The following RSPO2 variants were observed in gnomAD, a reference collection of about 807,000 sequenced individuals.
RSPO2 encodes R-spondin 2, also known as R-spondin-2.
A neutral mutation model predicts 30.9 loss-of-function variants in RSPO2; 14 were observed. That is an observed-to-expected ratio of 0.45 (90% CI 0.30 to 0.71). RSPO2 has a LOEUF of 0.71. Among genes scored for constraint, RSPO2 ranks in the 30% least tolerant of loss-of-function variants. The pLI is 0.08. For missense variants in RSPO2, 264 were observed against 301.9 expected, an observed-to-expected ratio of 0.87 and a Z score of 0.93; for synonymous variants, 107 against 96.4, an observed-to-expected ratio of 1.11 and a Z score of -0.64.
At chr8:108,040,149 A>C (rs947895304) in intron 2 of RSPO2, among the ~76,000 whole-genome samples, 1 of 152,188 alleles carries the variant, frequency 6.6e-6, no homozygotes, top group African/African-American at 2.4e-5. Context: ...GGGTTAATCA[A>C]GAAAAATAAT....
chr8:108,040,273 A>G (rs886777136), intron 2 of RSPO2, among the ~76,000 whole-genome samples: 50 of 152,128 alleles, frequency 3.3e-4, no homozygotes, highest in African/African-American at 1.1e-3. Flanking sequence ...TAGCTACATT[A>G]ACAGACAGTG....
At chr8:107,928,385 TTTTTA>T (rs1353523636) in intron 5 of RSPO2, among the ~76,000 whole-genome samples, 2 of 152,250 alleles carry the variant, frequency 1.3e-5, no homozygotes, top group African/African-American at 4.8e-5. Context: ...TGAAATGTCA[TTTTTA>T]TTTTAAACAA....
chr8:107,994,008 C>CTT (rs1814933452), intron 2 of RSPO2, among the ~76,000 whole-genome samples: 2 of 152,090 alleles, frequency 1.3e-5, no homozygotes, highest in South Asian at 4.1e-4. Flanking sequence ...CAAAAAAGGT[C>CTT]ACCTTCTAAG....
intron 2 of RSPO2, among the ~76,000 whole-genome samples, chr8:107,994,455 T>C (rs1025609586): frequency 7.9e-5 from 12 of 152,012 alleles, no homozygotes; most frequent in Non-Finnish European, 1.6e-4. Context: ...ACTAAGCAAA[T>C]GTCGAAATAG....
At chr8:108,037,882 T>C (rs1811646671) in intron 2 of RSPO2, among the ~76,000 whole-genome samples, 1 of 152,168 alleles carries the variant, frequency 6.6e-6, no homozygotes, top group Non-Finnish European at 1.5e-5. Flanking sequence ...TACTACTCAT[T>C]GACAATGCAC....
At chr8:108,014,719 T>C (rs776145165) in intron 2 of RSPO2, among the ~76,000 whole-genome samples, 36 of 151,678 alleles carry the variant, frequency 2.4e-4, no homozygotes, top group African/African-American at 8.5e-4. Flanking sequence ...AGGGGAGGGA[T>C]AGCATTAGGA....
chr8:107,946,388 GA>G lies in RSPO2; in HGVS notation c.616+11691del, dbSNP rs1813058775. Among the ~76,000 whole-genome samples the G allele has an allele frequency of 2.0e-5, 3 of 152,320 alleles. No homozygotes were observed. The South Asian group carries it at 6.2e-4, about 32-fold the overall frequency. On this transcript the variant is annotated intron_variant, in intron 5 of 5. Coordinates refer to ENST00000276659, the MANE Select transcript of RSPO2 (RefSeq NM_178565.5). The stretch of plus-strand genomic sequence containing the variant: ...AACTAGAAGACTAGTGATGCCTTTG[GA>G]AAGGGGGGCTGTCCCAGGAGAAATG...
chr8:107,960,765 C>A lies in RSPO2; in HGVS notation c.336G>T (p.Lys112Asn), dbSNP rs770458544. The part of the protein sequence containing the change: ...DSCFSKDFCT[K>N]CKVGFYLHRG... Reference sequence around the variant, plus strand: ...TATGCAAATAAAAGCCTACTTTGCACTTGGTACAAAAGTCTTTGCTAAAGC... The same window carrying A: ...TATGCAAATAAAAGCCTACTTTGCAATTGGTACAAAAGTCTTTGCTAAAGC... The change falls in exon 4 of 6, where the codon AAG becomes AAT. Residue 112 changes from lysine (K) to asparagine (N), a missense_variant. Lys to Asn is a moderately conservative substitution (Grantham distance 94). Coordinates refer to ENST00000276659, the MANE Select transcript of RSPO2 (RefSeq NM_178565.5). 2 of 1,612,792 alleles carry A rather than the reference C, an allele frequency of 1.2e-6. No individual in the cohort carries two copies. The highest frequency in any genetic ancestry group is 1.7e-6 in the Non-Finnish European group (2 of 1,179,190).
chr8:107,961,791 C>A (rs1813634888), intron 3 of RSPO2, among the ~76,000 whole-genome samples: 1 of 152,054 alleles, frequency 6.6e-6, no homozygotes, highest in South Asian at 2.1e-4. Context: ...CAGATAGAAG[C>A]CACAGTGAAT....
In RSPO2 at chr8:107,899,536, A is replaced by G. The variant is rs1181487740; in HGVS notation, c.*1539T>C. On this transcript the variant is annotated 3_prime_UTR_variant, in exon 6 of 6. Transcript: ENST00000276659. ...CTTATTATCTCATAGCAATATTTTCATAACGATGTATATGATATTTATCCT... is the reference window on the plus strand; with the variant it reads ...CTTATTATCTCATAGCAATATTTTCGTAACGATGTATATGATATTTATCCT... 6.6e-6 allele frequency: 1 copy of G among 152,630 alleles called. No homozygotes were observed. Among genetic ancestry groups the G allele is most frequent in the Non-Finnish European group, 1.5e-5 (1 of 68,034 alleles). 9.5% of individuals were successfully genotyped at this position (152,630 alleles called of 1,614,324 possible). A position where few individuals can be genotyped will look rare whatever the true frequency, so the allele number is the denominator to read the frequency against.
chr8:107,946,011 G>T (rs1435662937), intron 5 of RSPO2, among the ~76,000 whole-genome samples: 1 of 152,172 alleles, frequency 6.6e-6, no homozygotes, highest in Non-Finnish European at 1.5e-5. Context: ...CCTAACAAAA[G>T]TTATAGCAAC....
intron 5 of RSPO2, among the ~76,000 whole-genome samples, chr8:107,925,525 G>C (rs538391956): frequency 1.3e-5 from 2 of 151,884 alleles, no homozygotes; most frequent in Non-Finnish European, 2.9e-5. Flanking sequence ...ATTTACGTTA[G>C]GTATTTCTCC....
chr8:108,027,733 A>G (rs1457806321), intron 2 of RSPO2, among the ~76,000 whole-genome samples: 1 of 152,194 alleles, frequency 6.6e-6, no homozygotes, highest in Non-Finnish European at 1.5e-5. Context: ...TTAATATTTC[A>G]TCTTTCTCAA....
At chr8:107,957,819 A>G (rs979917951) in intron 5 of RSPO2, among the ~76,000 whole-genome samples, 1 of 152,200 alleles carries the variant, frequency 6.6e-6, no homozygotes, top group Non-Finnish European at 1.5e-5. Flanking sequence ...ACACATTTAG[A>G]AATCTCATTT....
rs981446341 is a variant in RSPO2 at position 107,899,528 on chromosome 8, A to G, written c.*1547T>C. 2 of 152,600 alleles carry G rather than the reference A, an allele frequency of 1.3e-5. No individual in the cohort carries two copies. The highest frequency in any genetic ancestry group is 2.9e-5 in the Non-Finnish European group (2 of 68,038). 9.5% of individuals were successfully genotyped at this position (152,600 alleles called of 1,614,324 possible). Reference sequence around the variant, plus strand: ...ATATGTGGCTTATTATCTCATAGCAATATTTTCATAACGATGTATATGATA... The same window carrying G: ...ATATGTGGCTTATTATCTCATAGCAGTATTTTCATAACGATGTATATGATA... On this transcript the variant is annotated 3_prime_UTR_variant, in exon 6 of 6. Coordinates refer to ENST00000276659, the MANE Select transcript of RSPO2 (RefSeq NM_178565.5).
chr8:107,934,135 T>C (rs1464634580), intron 5 of RSPO2, among the ~76,000 whole-genome samples: 1 of 152,198 alleles, frequency 6.6e-6, no homozygotes, highest in Non-Finnish European at 1.5e-5. Context: ...TGGCAAGATG[T>C]CGTAAGGCTA....
At position 108,009,291 on chromosome 8, in the gene RSPO2, T is replaced by C. The variant is rs918743393; in HGVS notation, c.95-20047A>G. 3.9e-5 allele frequency among the ~76,000 whole-genome samples: 6 copies of C among 152,274 alleles called. No individual in the cohort carries two copies. In the East Asian group the frequency reaches 5.8e-4, roughly 15 times the overall value. ...ACTTCTAGGAATCTAGCTGAAAGAA[T>C]TGGATAAATGCAGAAATACATACAA... On this transcript the variant is annotated intron_variant, in intron 2 of 5. Transcript: ENST00000276659.
chr8:108,003,251 ATG>A (rs1171593916), intron 2 of RSPO2, among the ~76,000 whole-genome samples: 455 of 22,496 alleles, frequency 0.02, no homozygotes, highest in East Asian at 0.024. Context: ...GTATGTATGT[ATG>A]TGTGTGTGTG....
At chr8:107,988,672 G>C (rs765385061) in intron 3 of RSPO2, among the ~76,000 whole-genome samples, 1 of 151,982 alleles carries the variant, frequency 6.6e-6, no homozygotes, top group Non-Finnish European at 1.5e-5. Flanking sequence ...GTGTTGCCCA[G>C]GCTAGAGCAC....
Sources: allele counts gnomAD v4.1 joint callset (sites outside exome capture counted in the v4.1 genomes callset), GRCh38; gene constraint gnomAD v4.1.1; transcripts MANE v1.5; gene names NCBI Gene and HGNC (gene_info 2026-07-23, HGNC 2026-07-21).